COP1: variants seen among roughly 807,000 people sequenced by gnomAD.
COP1 encodes E3 ubiquitin-protein ligase COP1.
Under a neutral mutation model 101.3 loss-of-function variants are expected in COP1, and 24 were observed. That is an observed-to-expected ratio of 0.24 (90% CI 0.17 to 0.33). COP1 has a LOEUF of 0.33. Among genes scored for constraint, COP1 ranks in the 10% least tolerant of loss-of-function variants. The probability of loss-of-function intolerance (pLI) is 1.00; values close to 1 mark genes in which losing one functional copy is unlikely to be tolerated. For missense variants in COP1, 663 were observed against 906.2 expected (o/e 0.73, Z 3.45); for synonymous variants, 347 against 341.9 (o/e 1.01, Z -0.17).
intron 3 of COP1, among the ~76,000 whole-genome samples, chr1:176,173,094 G>A (rs12409154): frequency 0.067 from 10,227 of 152,074 alleles, 425 homozygotes; most frequent in Middle Eastern, 0.12. Context: ...GGGTGATCAC[G>A]AGGTCAGGAG....
At chr1:176,041,169 GA>G (rs1331331112) in intron 14 of COP1, among the ~76,000 whole-genome samples, 1 of 151,674 alleles carries the variant, frequency 6.6e-6, no homozygotes, top group Non-Finnish European at 1.5e-5. Context: ...ATATTTCCAG[GA>G]AAAAAAGGTT....
chr1:175,975,154 G>A (rs1020828316), intron 18 of COP1, among the ~76,000 whole-genome samples: 1 of 152,048 alleles, frequency 6.6e-6, no homozygotes, highest in African/African-American at 2.4e-5. Flanking sequence ...GCAAATCTCT[G>A]TATCTAAAAT....
At chr1:175,970,230 G>C (rs1652966591) in intron 18 of COP1, among the ~76,000 whole-genome samples, 1 of 152,094 alleles carries the variant, frequency 6.6e-6, no homozygotes, top group African/African-American at 2.4e-5. Context: ...TGAGAAACCA[G>C]AAACCAAGGA....
At chr1:176,097,827 C>T (rs1024001817) in intron 9 of COP1, among the ~76,000 whole-genome samples, 4 of 147,668 alleles carry the variant, frequency 2.7e-5, no homozygotes, top group Non-Finnish European at 5.9e-5. Flanking sequence ...CGAGATCATG[C>T]CACTGCACTC....
chr1:176,201,955 T>C (rs1422690057), intron 1 of COP1, among the ~76,000 whole-genome samples: 2 of 152,234 alleles, frequency 1.3e-5, no homozygotes, highest in African/African-American at 4.8e-5. Flanking sequence ...AACATGCTTT[T>C]AACAGCTCTT....
In COP1 at chr1:175,944,980, C is replaced by T; in HGVS notation, c.*173G>A. 1.6e-6 allele frequency: 1 copy of T among 612,392 alleles called. No homozygotes were observed. Among genetic ancestry groups the T allele is most frequent in the South Asian group, 2.2e-5 (1 of 45,818 alleles). 37.9% of individuals were successfully genotyped at this position (612,392 alleles called of 1,614,324 possible). A position where few individuals can be genotyped will look rare whatever the true frequency, so the allele number is the denominator to read the frequency against. ...AGAGTTGGCTGGGTATTCCCAATGTCCCAAAGGTCATAAAGGAGGGAAAAG... is the reference window on the plus strand; with the variant it reads ...AGAGTTGGCTGGGTATTCCCAATGTTCCAAAGGTCATAAAGGAGGGAAAAG... On this transcript the variant is annotated 3_prime_UTR_variant, in exon 20 of 20. Transcript: ENST00000367669.
chr1:176,187,425 G>A (rs1421001135), intron 1 of COP1, among the ~76,000 whole-genome samples: 1 of 151,674 alleles, frequency 6.6e-6, no homozygotes, highest in Non-Finnish European at 1.5e-5. Context: ...GTGTGTGTGT[G>A]TGTGTATAAG....
chr1:176,090,381 G>A (rs1310426587), intron 9 of COP1, among the ~76,000 whole-genome samples: 1 of 151,908 alleles, frequency 6.6e-6, no homozygotes, highest in Non-Finnish European at 1.5e-5. Flanking sequence ...TGGTTTTTTC[G>A]GCTCCAAATA....
At chr1:176,000,178 T>C (rs1292456987) in intron 15 of COP1, among the ~76,000 whole-genome samples, 2 of 152,054 alleles carry the variant, frequency 1.3e-5, no homozygotes, top group East Asian at 1.9e-4. Flanking sequence ...AATTTTTGCT[T>C]AGACCAAAGT....
chr1:176,078,279 A>G (rs1678440040), intron 11 of COP1, among the ~76,000 whole-genome samples: 1 of 152,148 alleles, frequency 6.6e-6, no homozygotes, highest in African/African-American at 2.4e-5. Context: ...ACAGTATGGC[A>G]CTGGTAGGTA....
At chr1:176,169,265 A>G (rs924914481) in intron 3 of COP1, among the ~76,000 whole-genome samples, 3 of 152,240 alleles carry the variant, frequency 2.0e-5, no homozygotes, top group African/African-American at 7.2e-5. Flanking sequence ...ACACCTTGGT[A>G]AACGGTACAT....
chr1:176,046,089 A>C (rs965515183), intron 12 of COP1, 92 bp downstream of exon 12: 45 of 957,644 alleles, frequency 4.7e-5, no homozygotes, highest in Non-Finnish European at 6.0e-5. Flanking sequence ...ATGAGTAAAA[A>C]GTGTCATGCA....
At chr1:176,093,179 G>A in intron 9 of COP1, among the ~76,000 whole-genome samples, 1 of 152,048 alleles carries the variant, frequency 6.6e-6, no homozygotes, top group East Asian at 1.9e-4. Flanking sequence ...ATAAATATCA[G>A]AAAAATAATT....
At chr1:176,009,785 G>A (rs886117185) in intron 15 of COP1, among the ~76,000 whole-genome samples, 15 of 150,526 alleles carry the variant, frequency 1.0e-4, no homozygotes, top group Admixed American at 9.3e-4. Context: ...TAGTTACTTA[G>A]GAGACAGGGG....
At chr1:175,958,432 C>T in intron 18 of COP1, among the ~76,000 whole-genome samples, 1 of 151,868 alleles carries the variant, frequency 6.6e-6, no homozygotes, top group East Asian at 1.9e-4. Context: ...CAAAATAAGG[C>T]ACTGAATTAT....
At chr1:176,036,551 T>C (rs1199346073) in intron 14 of COP1, among the ~76,000 whole-genome samples, 1 of 147,008 alleles carries the variant, frequency 6.8e-6, no homozygotes, top group Non-Finnish European at 1.5e-5. Context: ...CCTAGAGATA[T>C]GAGTATATTA....
At chr1:175,977,795 GTATT>G in intron 18 of COP1, among the ~76,000 whole-genome samples, 1 of 152,146 alleles carries the variant, frequency 6.6e-6, no homozygotes, top group East Asian at 1.9e-4. Context: ...TCTGCTTTCA[GTATT>G]TATTAAATCC....
intron 9 of COP1, among the ~76,000 whole-genome samples, chr1:176,112,772 CTTT>C: frequency 6.6e-6 from 1 of 151,106 alleles, no homozygotes; most frequent in South Asian, 2.1e-4. Flanking sequence ...ATGAGATCCA[CTTT>C]TTTTTGGCTC....
At chr1:176,158,630 C>CTTTTTTTTTTTTT (rs35518162) in intron 5 of COP1, among the ~76,000 whole-genome samples, 2 of 79,312 alleles carry the variant, frequency 2.5e-5, no homozygotes, top group Non-Finnish European at 4.4e-5. Flanking sequence ...TTTTAAGGTT[C>CTTTTTTTTTTTTT]TTTTTTTTTT....
Sources: gnomAD v4.1 joint callset for allele counts (sites outside exome capture counted in the v4.1 genomes callset) on GRCh38, gnomAD v4.1.1 for gene constraint, MANE v1.5 for transcripts, NCBI Gene and HGNC (gene_info 2026-07-23, HGNC 2026-07-21) for gene names.